KLHL29: variants seen among roughly 807,000 people sequenced by gnomAD.
The protein encoded by KLHL29 is kelch-like protein 29.
A neutral mutation model predicts 80.4 loss-of-function variants in KLHL29; 21 were observed. The observed-to-expected ratio is 0.26, with a 90% CI of 0.19 to 0.38. The LOEUF (loss-of-function observed/expected upper bound fraction) is 0.38. Ranked by LOEUF, KLHL29 falls within the 10% of genes least tolerant of loss-of-function variation. KLHL29 has a pLI of 1.00. For synonymous variants in KLHL29, 511 were observed against 526.8 expected, an observed-to-expected ratio of 0.97 and a Z score of 0.41; for missense variants, 867 against 1,223.9, an observed-to-expected ratio of 0.71 and a Z score of 4.35.
intron 1 of KLHL29, among the ~76,000 whole-genome samples, chr2:23,398,371 T>G (rs1161244707): frequency 6.6e-6 from 1 of 152,244 alleles, no homozygotes; most frequent in African/African-American, 2.4e-5. Flanking sequence ...GAAAGGACCA[T>G]TACTGGAGGA....
chr2:23,458,975 A>G (rs1470395360), intron 1 of KLHL29, among the ~76,000 whole-genome samples: 1 of 152,208 alleles, frequency 6.6e-6, no homozygotes, highest in Non-Finnish European at 1.5e-5. Context: ...GCAAGCAAGG[A>G]TTCAGGAGAA....
chr2:23,704,084 C>A (rs1455183114), intron 13 of KLHL29, among the ~76,000 whole-genome samples: 2 of 152,202 alleles, frequency 1.3e-5, no homozygotes, highest in East Asian at 3.9e-4. Flanking sequence ...TCCAGCTGGC[C>A]CCAGCTCCAG....
intron 1 of KLHL29, among the ~76,000 whole-genome samples, chr2:23,390,650 C>CTT (rs70941576): frequency 0.015 from 1,806 of 120,172 alleles, 89 homozygotes; most frequent in Middle Eastern, 0.035. Context: ...ACCATCTTTA[C>CTT]TTTTTTTTTT....
In KLHL29 at chr2:23,503,830, C is replaced by T. The variant is rs1217413741; in HGVS notation, c.-46+28163C>T. ...CCTCTAGTCCACACAGTCCTGCACACATTGCCGTCTTTGTTTAAAGAGAGG... is the reference window on the plus strand; with the variant it reads ...CCTCTAGTCCACACAGTCCTGCACATATTGCCGTCTTTGTTTAAAGAGAGG... On this transcript the variant is annotated intron_variant, in intron 2 of 13. Coordinates refer to ENST00000486442, the MANE Select transcript of KLHL29 (RefSeq NM_052920.2). This position sits in a 1 kb window ranked among gnomAD's most constrained non-coding sequence, Gnocchi z 4.0. 6.6e-6 allele frequency among the ~76,000 whole-genome samples: 1 copy of T among 152,240 alleles called. No individual in the cohort carries two copies. Among genetic ancestry groups the T allele is most frequent in the Admixed American group, 6.5e-5 (1 of 15,284 alleles).
chr2:23,643,106 G>T, intron 5 of KLHL29: 1 of 632,798 alleles, frequency 1.6e-6, no homozygotes, highest in Non-Finnish European at 2.9e-6. Context: ...GGGAGAGCCT[G>T]CAAAGCCCAG....
chr2:23,567,659 G>T (rs1667622809), intron 3 of KLHL29, among the ~76,000 whole-genome samples: 1 of 152,222 alleles, frequency 6.6e-6, no homozygotes, highest in Non-Finnish European at 1.5e-5. Context: ...GGGCCAATGT[G>T]GCAGCCCCTC....
chr2:23,403,711 AAGAG>A (rs370645378), intron 1 of KLHL29, among the ~76,000 whole-genome samples: 145 of 140,126 alleles, frequency 1.0e-3, no homozygotes, highest in African/African-American at 3.6e-3. Flanking sequence ...ATGAAACCCA[AAGAG>A]AGAGAGAGAG....
intron 2 of KLHL29, among the ~76,000 whole-genome samples, chr2:23,541,765 C>CAAAAAAAAAAAAAAAAAAAAAA (rs149080311): frequency 7.1e-6 from 1 of 139,884 alleles, no homozygotes; most frequent in African/African-American, 2.9e-5. Flanking sequence ...AAGCCCAACC[C>CAAAAAAAAAAAAAAAAAAAAAA]AAAAAACAAA....
chr2:23,453,079 G>C (rs1663936175), intron 1 of KLHL29, among the ~76,000 whole-genome samples: 1 of 150,884 alleles, frequency 6.6e-6, no homozygotes, highest in East Asian at 1.9e-4. Context: ...GAACTGTGTT[G>C]TCTCCTTTTA....
At chr2:23,575,891 C>T (rs772636296) in intron 3 of KLHL29, among the ~76,000 whole-genome samples, 35 of 152,234 alleles carry the variant, frequency 2.3e-4, no homozygotes, top group Non-Finnish European at 3.8e-4. Context: ...GATAGACTCC[C>T]TGGTGGATGC....
intron 3 of KLHL29, among the ~76,000 whole-genome samples, chr2:23,585,619 A>G (rs967226621): frequency 1.3e-5 from 2 of 151,768 alleles, no homozygotes; most frequent in African/African-American, 4.8e-5. Flanking sequence ...ATCTATTTCC[A>G]CCTCCTCCCT....
chr2:23,532,914 C>T (rs946917230), intron 2 of KLHL29, among the ~76,000 whole-genome samples: 3 of 152,202 alleles, frequency 2.0e-5, no homozygotes, highest in African/African-American at 7.2e-5. Context: ...TGTGTGTGCA[C>T]GTGGGCCGAG....
At chr2:23,455,863 G>T (rs1465748774) in intron 1 of KLHL29, among the ~76,000 whole-genome samples, 1 of 152,140 alleles carries the variant, frequency 6.6e-6, no homozygotes, top group Non-Finnish European at 1.5e-5. Context: ...CCCTCAGAAT[G>T]TGGCTGTATT....
At chr2:23,536,890 T>TCACACACACACA (rs111611960) in intron 2 of KLHL29, among the ~76,000 whole-genome samples, 2 of 143,116 alleles carry the variant, frequency 1.4e-5, no homozygotes, top group African/African-American at 5.4e-5. Context: ...AAGACAGATC[T>TCACACACACACA]CACACACACA....
intron 3 of KLHL29, among the ~76,000 whole-genome samples, chr2:23,634,824 G>C: frequency 6.6e-6 from 1 of 152,188 alleles, no homozygotes; most frequent in Middle Eastern, 3.2e-3. Context: ...TCTGTGACTC[G>C]TGTCATTCAC....
At chr2:23,420,855 C>A (rs747533909) in intron 1 of KLHL29, among the ~76,000 whole-genome samples, 2 of 152,124 alleles carry the variant, frequency 1.3e-5, no homozygotes, top group East Asian at 3.9e-4. Context: ...CATCTTTCCG[C>A]CACCCCCCCA....
intron 1 of KLHL29, among the ~76,000 whole-genome samples, chr2:23,416,245 G>C (rs1052421357): frequency 6.6e-6 from 1 of 152,310 alleles, no homozygotes; most frequent in Admixed American, 6.5e-5. Context: ...ACCTCACAGA[G>C]CTCCACTTCT....
chr2:23,497,701 T>C (rs1665310060), intron 2 of KLHL29, among the ~76,000 whole-genome samples: 2 of 152,104 alleles, frequency 1.3e-5, no homozygotes, highest in African/African-American at 4.8e-5. Context: ...CTTAAGCTCT[T>C]TGGAGGAGAG....
chr2:23,417,964 G>T (rs984773825), intron 1 of KLHL29, among the ~76,000 whole-genome samples: 1 of 152,046 alleles, frequency 6.6e-6, no homozygotes, highest in African/African-American at 2.4e-5. Context: ...TCTGTCCATC[G>T]CCCTGGAGTA....
Sources: allele counts gnomAD v4.1 joint callset (sites outside exome capture counted in the v4.1 genomes callset), GRCh38; gene constraint gnomAD v4.1.1; non-coding constraint Gnocchi (gnomAD v3.1); transcripts MANE v1.5; gene names NCBI Gene and HGNC (gene_info 2026-07-23, HGNC 2026-07-21).